TTC39A: variants seen among roughly 807,000 people sequenced by gnomAD.
The protein encoded by TTC39A is tetratricopeptide repeat protein 39A.
TTC39A carries 46 observed loss-of-function variants against 82.3 expected under a neutral mutation model. The ratio of observed to expected loss-of-function variants is 0.56; its 90% confidence interval spans 0.44 to 0.71. The LOEUF (loss-of-function observed/expected upper bound fraction) is 0.71, where lower values mean the gene tolerates loss of function less well. Ranked by LOEUF, TTC39A falls within the 30% of genes least tolerant of loss-of-function variation. The pLI is 0.00. For missense variants in TTC39A, 543 were observed against 712.9 expected (o/e 0.76, Z 2.71); for synonymous variants, 254 against 275.2 (o/e 0.92, Z 0.76).
At chr1:51,344,923 G>A in intron 1 of TTC39A, 5 of 1,507,740 alleles carry the variant, frequency 3.3e-6, no homozygotes, top group East Asian at 2.8e-5. Context: ...CCCGACGTCG[G>A]CTGGGTCCTC....
At chr1:51,297,458 A>C (rs563013337) in intron 12 of TTC39A, 1 of 152,192 alleles carries the variant, frequency 6.6e-6, no homozygotes, top group East Asian at 1.9e-4. Context: ...ACCTCAAGCT[A>C]TCCGCCCGCC....
chr1:51,294,611 C>A lies in TTC39A; in HGVS notation c.1146-100G>T. ...CTATGCTTGGCGCCTCTCTGGGCCTCAGTTTCCCCATCTGCACAATGACAG... is the reference window on the plus strand; with the variant it reads ...CTATGCTTGGCGCCTCTCTGGGCCTAAGTTTCCCCATCTGCACAATGACAG... On this transcript the variant is annotated intron_variant, in intron 13 of 17. Transcript: ENST00000680483. This position sits in a 1 kb window ranked among gnomAD's most constrained non-coding sequence, Gnocchi z 4.3. 1 of 1,520,866 alleles carries A rather than the reference C, an allele frequency of 6.6e-7. No individual in the cohort carries two copies. The allele number at this position is 1,520,866 out of a possible 1,614,324, so 94.2% of individuals were successfully genotyped here. A position where few individuals can be genotyped will look rare whatever the true frequency, so the allele number is the denominator to read the frequency against.
intron 12 of TTC39A, chr1:51,300,817 T>A (rs1345938644): frequency 1.3e-5 from 2 of 152,226 alleles, no homozygotes; most frequent in Non-Finnish European, 2.9e-5. Flanking sequence ...TCTCAGCCCA[T>A]GAGGAATCTT....
chr1:51,308,406 AT>A (rs1227356159), intron 6 of TTC39A, among the ~76,000 whole-genome samples: 1 of 151,892 alleles, frequency 6.6e-6, no homozygotes, highest in Non-Finnish European at 1.5e-5. Context: ...CGCCCTGCTA[AT>A]TTTTGTATTT....
chr1:51,330,767 C>T (rs747453493), upstream of TTC39A: 23 of 450,406 alleles, frequency 5.1e-5, no homozygotes, highest in Non-Finnish European at 7.4e-5. The surrounding 1 kb of genome is among the most constrained non-coding windows in gnomAD (Gnocchi z 4.5). Context: ...AGACACCGCC[C>T]GGGCCGGGAG....
In TTC39A at chr1:51,294,563, C is replaced by T. The variant is rs72906136; in HGVS notation, c.1146-52G>A. On this transcript the variant is annotated intron_variant, in intron 13 of 17. Coordinates refer to ENST00000680483, the MANE Select transcript of TTC39A (RefSeq NM_001297663.2). This position sits in a 1 kb window ranked among gnomAD's most constrained non-coding sequence, Gnocchi z 4.3. The stretch of plus-strand genomic sequence containing the variant: ...GAGGATGAAAAAGAGCAGGAGAGGG[C>T]AGAGGGTCCCCAGCCTACCCAGCTA... 3.2e-3 allele frequency: 5,182 copies of T among 1,609,268 alleles called. 147 individuals carry two copies. The African/African-American group carries it at 0.063, about 19-fold the overall frequency.
chr1:51,337,691 T>C (rs1355189450), intron 1 of TTC39A, among the ~76,000 whole-genome samples: 1 of 152,062 alleles, frequency 6.6e-6, no homozygotes, highest in Non-Finnish European at 1.5e-5. Context: ...CCTCCCAAAG[T>C]GCTGAGATTA....
intron 2 of TTC39A, among the ~76,000 whole-genome samples, chr1:51,317,721 G>A (rs1375066839): frequency 6.6e-6 from 1 of 152,210 alleles, no homozygotes; most frequent in Non-Finnish European, 1.5e-5. Context: ...TTGCACTCCA[G>A]CCTGAGCGAC....
At chr1:51,297,508 T>G (rs543566755) in intron 12 of TTC39A, 1 of 152,230 alleles carries the variant, frequency 6.6e-6, no homozygotes, top group East Asian at 1.9e-4. Flanking sequence ...CATGAGCCAC[T>G]GCGTCTGGCC....
At chr1:51,336,033 C>T (rs1645970429), upstream of TTC39A, among the ~76,000 whole-genome samples, 1 of 152,022 alleles carries the variant, frequency 6.6e-6, no homozygotes, top group Non-Finnish European at 1.5e-5. Flanking sequence ...CGCCCCCTCC[C>T]CAACACCTGC....
chr1:51,334,368 T>C (rs1645948432), upstream of TTC39A, among the ~76,000 whole-genome samples: 1 of 151,970 alleles, frequency 6.6e-6, no homozygotes, highest in Admixed American at 6.6e-5. Context: ...CCAGGTGTGG[T>C]GGTGCATGCC....
Position 51,321,842 on chromosome 1 carries a change from G to A in TTC39A, c.42-17C>T, listed in dbSNP as rs778326769. 4.4e-6 allele frequency: 7 copies of A among 1,605,664 alleles called. No homozygotes were observed. Among genetic ancestry groups the A allele is most frequent in the Admixed American group, 3.4e-5 (2 of 59,300 alleles). ...TCAGGAGTCCTGGGGGAAGAGATGC[G>A]GGGCATGACACAGGGGCCCTCCAAC... On this transcript the variant is annotated splice_polypyrimidine_tract_variant and intron_variant, in intron 1 of 17. Transcript: ENST00000680483. This position sits in a 1 kb window ranked among gnomAD's most constrained non-coding sequence, Gnocchi z 4.6.
At chr1:51,290,183 G>A (rs1557693740) in intron 15 of TTC39A, 64 bp from the exon 16 acceptor site, 2 of 1,476,234 alleles carry the variant, frequency 1.4e-6, no homozygotes, top group Non-Finnish European at 1.9e-6. Context: ...TACTTATGGA[G>A]CCCCCTACTT....
At position 51,301,620 on chromosome 1, in the gene TTC39A, C is replaced by A. The variant is rs763488469; in HGVS notation, c.1005G>T (p.Met335Ile). The change falls in exon 12 of 18, where the codon ATG (methionine) becomes ATT (isoleucine). Residue 335 changes from methionine to isoleucine, a missense_variant. Physicochemically the swap from Met to Ile is conservative, Grantham distance 10. Coordinates refer to ENST00000680483, the MANE Select transcript of TTC39A (RefSeq NM_001297663.2). ...WCFTYKGQWK[M>I]SYFYADLLSK... ...TGAGCAGGTCGGCGTAGAAGTAGGA[C>A]ATCTTCCACTGGCCCTTGTAGGTGA... is the stretch of plus-strand genomic sequence containing the variant. 6.2e-7 allele frequency: 1 copy of A among 1,613,596 alleles called. No homozygotes were observed. Among genetic ancestry groups the A allele is most frequent in the Admixed American group, 1.7e-5 (1 of 59,980 alleles).
At chr1:51,320,627 A>AT (rs1016490526) in intron 2 of TTC39A, among the ~76,000 whole-genome samples, 112 of 147,750 alleles carry the variant, frequency 7.6e-4, no homozygotes, top group Admixed American at 3.1e-3. Flanking sequence ...AATTTTTTGT[A>AT]TTTTTTTTTG....
chr1:51,337,721 C>T (rs1401702056), intron 1 of TTC39A, among the ~76,000 whole-genome samples: 4 of 152,138 alleles, frequency 2.6e-5, no homozygotes, highest in African/African-American at 7.2e-5. Context: ...GCCACCGTGC[C>T]CAGCCCCTTT....
chr1:51,326,985 T>A (rs974258628), intron 1 of TTC39A, among the ~76,000 whole-genome samples: 1 of 152,144 alleles, frequency 6.6e-6, no homozygotes, highest in African/African-American at 2.4e-5. Context: ...CTCATTCAGA[T>A]CCCACCCACA....
chr1:51,294,768 T>G lies in TTC39A; in HGVS notation c.1146-257A>C, dbSNP rs1191071766. Among the ~76,000 whole-genome samples the G allele has an allele frequency of 1.3e-5, 2 of 152,028 alleles. No homozygotes were observed. On this transcript the variant is annotated intron_variant, in intron 13 of 17. Coordinates refer to ENST00000680483, the MANE Select transcript of TTC39A (RefSeq NM_001297663.2). This position sits in a 1 kb window ranked among gnomAD's most constrained non-coding sequence, Gnocchi z 4.3. ...CCCCGCCAGCTGGCAGAGATGAGAG[T>G]GTGCCAAACACCCCTGGGCCGGCCC...
intron 5 of TTC39A, 150 bp downstream of exon 5, chr1:51,311,104 A>T: frequency 1.4e-6 from 1 of 706,492 alleles, no homozygotes; most frequent in Non-Finnish European, 2.3e-6. Context: ...CAGGGGCAGG[A>T]GTGTGAAGGA....
Sources: gnomAD v4.1 joint callset for allele counts (sites outside exome capture counted in the v4.1 genomes callset) on GRCh38, gnomAD v4.1.1 for gene constraint, Gnocchi (gnomAD v3.1) non-coding constraint, MANE v1.5 for transcripts, NCBI Gene and HGNC (gene_info 2026-07-23, HGNC 2026-07-21) for gene names.